The following HIPK2 variants were observed in gnomAD, a reference collection of about 807,000 sequenced individuals.
The protein encoded by HIPK2 is homeodomain interacting protein kinase 2, also known as homeodomain-interacting protein kinase 2.
HIPK2 carries 27 observed loss-of-function variants against 113.7 expected under a neutral mutation model. The ratio of observed to expected loss-of-function variants is 0.24; its 90% confidence interval spans 0.17 to 0.33. The LOEUF is 0.33. Among genes scored for constraint, HIPK2 ranks in the 10% least tolerant of loss-of-function variants. The pLI, the probability that HIPK2 is intolerant of heterozygous loss-of-function variation, is 1.00. For synonymous variants in HIPK2, 631 were observed against 642.2 expected, an observed-to-expected ratio of 0.98 and a Z score of 0.26; for missense variants, 1,257 against 1,588.0, an observed-to-expected ratio of 0.79 and a Z score of 3.54.
intron 5 of HIPK2, among the ~76,000 whole-genome samples, chr7:139,628,003 C>T (rs1408707584): frequency 1.3e-5 from 2 of 152,042 alleles, no homozygotes; most frequent in South Asian, 2.1e-4. Context: ...AGGTCATACT[C>T]GATTAGGGTG....
At position 139,651,083 on chromosome 7, in the gene HIPK2, G is replaced by A. The variant is rs146368445; in HGVS notation, c.1104-19358C>T. Among the ~76,000 whole-genome samples, 207 of 152,324 alleles carry A rather than the reference G, an allele frequency of 1.4e-3. 2 individuals are homozygous for A. The highest frequency in any genetic ancestry group is 2.1e-3 in the Non-Finnish European group (143 of 68,026). ...GCGTCTCTAAGAGGGGAGGGAGCACGCAGAGAAGCTCTGGATTTGTGTTTC... is the reference window on the plus strand; with the variant it reads ...GCGTCTCTAAGAGGGGAGGGAGCACACAGAGAAGCTCTGGATTTGTGTTTC... On this transcript the variant is annotated intron_variant, in intron 2 of 14. Coordinates refer to ENST00000406875, the MANE Select transcript of HIPK2 (RefSeq NM_022740.5).
chr7:139,703,298 C>T (rs980163045), intron 2 of HIPK2, among the ~76,000 whole-genome samples: 1 of 152,170 alleles, frequency 6.6e-6, no homozygotes, highest in South Asian at 2.1e-4. Context: ...TAAAACCTCC[C>T]GCTGCTGCTC....
rs1163324200 is a variant in HIPK2, at chr7:139,564,683, A to G, written c.*8244T>C. ...TGCCTTGGGGGAGACACAACCTCCA[A>G]CTAAGAGGCATTCACTGGGGTTTGC... On this transcript the variant is annotated 3_prime_UTR_variant, in exon 15 of 15. Transcript: ENST00000406875. The G allele has an allele frequency of 6.6e-6, 1 of 152,238 alleles. No individual in the cohort carries two copies. The highest frequency in any genetic ancestry group is 1.9e-4 in the East Asian group (1 of 5,196). The allele number at this position is 152,238 out of a possible 1,614,324, so 9.4% of individuals were successfully genotyped here.
intron 2 of HIPK2, among the ~76,000 whole-genome samples, chr7:139,695,786 A>T (rs1186900431): frequency 1.3e-5 from 2 of 152,240 alleles, no homozygotes; most frequent in Non-Finnish European, 2.9e-5. Flanking sequence ...TCAGGGATGA[A>T]ATGGCTACAA....
chr7:139,608,548 CA>C, intron 9 of HIPK2, among the ~76,000 whole-genome samples: 1 of 151,914 alleles, frequency 6.6e-6, no homozygotes, highest in Non-Finnish European at 1.5e-5. Context: ...ATAACTTCCC[CA>C]AAGCCATATA....
chr7:139,703,369 A>G (rs1343979654), intron 2 of HIPK2, among the ~76,000 whole-genome samples: 3 of 152,024 alleles, frequency 2.0e-5, no homozygotes, highest in Non-Finnish European at 4.4e-5. Flanking sequence ...TGCCAGATCT[A>G]TTTATATTCT....
intron 1 of HIPK2, among the ~76,000 whole-genome samples, chr7:139,731,563 G>A (rs552532731): frequency 1.3e-5 from 2 of 152,120 alleles, no homozygotes; most frequent in South Asian, 2.1e-4. Context: ...TGGGTTCTGC[G>A]CTCAGTGCAA....
intron 2 of HIPK2, among the ~76,000 whole-genome samples, chr7:139,702,689 G>A (rs924703677): frequency 6.6e-5 from 10 of 152,152 alleles, no homozygotes; most frequent in Admixed American, 2.0e-4. Context: ...GGCCATGGGC[G>A]TAAATAATCA....
intron 2 of HIPK2, among the ~76,000 whole-genome samples, chr7:139,652,885 G>A (rs1427542493): frequency 6.6e-6 from 1 of 152,114 alleles, no homozygotes; most frequent in Non-Finnish European, 1.5e-5. Flanking sequence ...GCTCACGCCT[G>A]TAATCCCAGC....
chr7:139,617,706 C>G (rs1407540196), intron 7 of HIPK2, among the ~76,000 whole-genome samples: 1 of 152,180 alleles, frequency 6.6e-6, no homozygotes, highest in Non-Finnish European at 1.5e-5. Context: ...TCCTTGAGAC[C>G]TAAAAGATTG....
intron 1 of HIPK2, among the ~76,000 whole-genome samples, chr7:139,748,057 G>A (rs1796217843): frequency 6.6e-6 from 1 of 151,960 alleles, no homozygotes; most frequent in African/African-American, 2.4e-5. Flanking sequence ...TCACTTTGTG[G>A]TCTTGAAGAA....
In HIPK2 at chr7:139,642,329, G is replaced by A. The variant is rs1442628110; in HGVS notation, c.1104-10604C>T. Among the ~76,000 whole-genome samples, 4 of 152,330 alleles carry A rather than the reference G, an allele frequency of 2.6e-5. No individual in the cohort carries two copies. In the East Asian group the frequency reaches 7.7e-4, roughly 29 times the overall value. On this transcript the variant is annotated intron_variant, in intron 2 of 14. Transcript: ENST00000406875. ...CGAGGGATTACAGTGAAGCAGCACA[G>A]GACCCAAGAAACAGTGGCAGAAATC...
In HIPK2 at chr7:139,714,980, G is replaced by A. The variant is rs1031315344; in HGVS notation, c.1103+952C>T. ...ATGGGTTAGGAAATGAAGGCATGGA[G>A]AAATCAGGCCATTAGGAGAGGAGGG... On this transcript the variant is annotated intron_variant, in intron 2 of 14. Coordinates refer to ENST00000406875, the MANE Select transcript of HIPK2 (RefSeq NM_022740.5). This position sits in a 1 kb window ranked among gnomAD's most constrained non-coding sequence, Gnocchi z 4.2. Among the ~76,000 whole-genome samples, 9 of 152,182 alleles carry A rather than the reference G, an allele frequency of 5.9e-5. No homozygotes were observed. The highest frequency in any genetic ancestry group is 1.9e-4 in the East Asian group (1 of 5,180).
rs747040277 is a variant in HIPK2, at chr7:139,573,241, G to GGGCAGC, written c.3277_3282dup (p.Ala1093_Ala1094dup). ...TAGAGGTGGGGCTGGGTGGGGAGGTGGGCAGCGGCAGCGGCTGCAGCCAGA... is the reference window on the plus strand; with the variant it reads ...TAGAGGTGGGGCTGGGTGGGGAGGTGGGCAGCGGCAGCGGCAGCGGCTGCAGCCAGA... On this transcript the variant is annotated inframe_insertion, in exon 15 of 15. Transcript: ENST00000406875. The GGGCAGC allele has an allele frequency of 8.5e-5, 136 of 1,604,948 alleles. 1 individual carries two copies. The South Asian group carries it at 1.4e-3, about 17-fold the overall frequency.
intron 2 of HIPK2, among the ~76,000 whole-genome samples, chr7:139,660,964 T>G (rs2116551248): frequency 6.6e-6 from 1 of 151,552 alleles, no homozygotes; most frequent in East Asian, 2.0e-4. Flanking sequence ...ACCCGTCTGC[T>G]CTTCCACATT....
Position 139,565,856 on chromosome 7 carries a change from G to A in HIPK2, c.*7071C>T. Reference sequence around the variant, plus strand: ...TGAATCTATTACAGAGATCAGAGCTGTCAGGATAATTATCAAGTGCAGTAA... The same window carrying A: ...TGAATCTATTACAGAGATCAGAGCTATCAGGATAATTATCAAGTGCAGTAA... On this transcript the variant is annotated 3_prime_UTR_variant, in exon 15 of 15. Transcript: ENST00000406875. The A allele has an allele frequency of 6.6e-6, 1 of 151,814 alleles. No homozygotes were observed. Among genetic ancestry groups the A allele is most frequent in the East Asian group, 1.9e-4 (1 of 5,176 alleles). 9.4% of individuals were successfully genotyped at this position (151,814 alleles called of 1,614,324 possible).
In HIPK2 at chr7:139,631,324, TC is replaced by T; in HGVS notation, c.1228-41del. ...AAGAATGAGGTCAGGGCTTTTCCTG[TC>T]ACTATACATATGGTATACTAATGGC... is the stretch of plus-strand genomic sequence containing the variant. On this transcript the variant is annotated intron_variant, in intron 3 of 14. Transcript: ENST00000406875. This position sits in a 1 kb window ranked among gnomAD's most constrained non-coding sequence, Gnocchi z 4.9. 1 of 1,577,552 alleles carries T rather than the reference TC, an allele frequency of 6.3e-7. No homozygotes were observed. The highest frequency in any genetic ancestry group is 8.6e-7 in the Non-Finnish European group (1 of 1,160,558).
intron 13 of HIPK2, among the ~76,000 whole-genome samples, chr7:139,580,510 A>G (rs1798632952): frequency 6.6e-6 from 1 of 152,188 alleles, no homozygotes; most frequent in Non-Finnish European, 1.5e-5. Context: ...CCTAATGTAT[A>G]CTTTGGAACA....
intron 10 of HIPK2, among the ~76,000 whole-genome samples, chr7:139,602,813 T>C (rs1340791102): frequency 6.6e-6 from 1 of 152,222 alleles, no homozygotes; most frequent in African/African-American, 2.4e-5. Flanking sequence ...AAGTGCTTTG[T>C]ATTTTATCTT....
Sources: gnomAD v4.1 joint callset for allele counts (sites outside exome capture counted in the v4.1 genomes callset) on GRCh38, gnomAD v4.1.1 for gene constraint, Gnocchi (gnomAD v3.1) non-coding constraint, MANE v1.5 for transcripts, NCBI Gene and HGNC (gene_info 2026-07-23, HGNC 2026-07-21) for gene names.